MTARC1: variants seen among roughly 807,000 people sequenced by gnomAD.
The protein encoded by MTARC1 is mitochondrial amidoxime reducing component 1, also known as mitochondrial amidoxime-reducing component 1.
MTARC1 carries 24 observed loss-of-function variants against 33.6 expected under a neutral mutation model. The ratio of observed to expected loss-of-function variants is 0.72; its 90% confidence interval spans 0.52 to 1.01. The LOEUF is 1.01. Among genes scored for constraint, MTARC1 ranks in the 50% least tolerant of loss-of-function variants. The pLI is 0.00. For missense variants in MTARC1, 417 were observed against 445.7 expected, an observed-to-expected ratio of 0.94 and a Z score of 0.58; for synonymous variants, 187 against 189.5, an observed-to-expected ratio of 0.99 and a Z score of 0.11.
In MTARC1 at chr1:220,813,305, G is replaced by A. The variant is rs1673196176; in HGVS notation, c.901G>A (p.Asp301Asn). Residue 301 changes from aspartate to asparagine, a missense_variant, in exon 7 of 7, where the codon GAC becomes AAC. Physicochemically the swap from Asp to Asn is conservative, Grantham distance 23. Transcript: ENST00000366910. ...TTCCTATTGCAGTTATCGCCAGTGT[G>A]ACCCTTCAGAACGAAAGTTATATGG... ...LETLKSYRQC[D>N]PSERKLYGKS... is the part of the protein sequence containing the mutation. The A allele has an allele frequency of 6.2e-7, 1 of 1,614,082 alleles. No individual in the cohort carries two copies. The highest frequency in any genetic ancestry group is 1.1e-5 in the South Asian group (1 of 91,066).
rs576430947 is a variant in MTARC1, at chr1:220,801,973, C to T, written c.754-3079C>T. ...CTGAAGCCACAGTAGAGACAACCAC[C>T]CTACCTGCCACAGTCAGTGACCGTT... On this transcript the variant is annotated intron_variant, in intron 4 of 6. Transcript: ENST00000366910. 7.9e-5 allele frequency among the ~76,000 whole-genome samples: 12 copies of T among 152,178 alleles called. 1 individual carries two copies. The South Asian group carries it at 2.3e-3, about 29-fold the overall frequency.
rs141748441 is a variant in MTARC1 at position 220,788,555 on chromosome 1, G to T, written c.275+1336G>T. ...TGTAATCCCAGCACTTTGGGAGGCCGAGGCGGGTGGATCACAAGGTCAGGA... is the reference window on the plus strand; with the variant it reads ...TGTAATCCCAGCACTTTGGGAGGCCTAGGCGGGTGGATCACAAGGTCAGGA... On this transcript the variant is annotated intron_variant, in intron 1 of 6. Coordinates refer to ENST00000366910, the MANE Select transcript of MTARC1 (RefSeq NM_022746.4). Among the ~76,000 whole-genome samples, 1,361 of 152,218 alleles carry T rather than the reference G, an allele frequency of 8.9e-3. 10 individuals are homozygous for T. Among genetic ancestry groups the T allele is most frequent in the East Asian group, 0.059 (307 of 5,176 alleles).
intron 2 of MTARC1, among the ~76,000 whole-genome samples, chr1:220,794,692 A>G (rs1334479887): frequency 6.6e-6 from 1 of 152,060 alleles, no homozygotes; most frequent in African/African-American, 2.4e-5. Context: ...TATTTTATTC[A>G]TTTTATTTAT....
chr1:220,788,253 G>A (rs546715849), intron 1 of MTARC1, among the ~76,000 whole-genome samples: 1 of 152,198 alleles, frequency 6.6e-6, no homozygotes, highest in African/African-American at 2.4e-5. Context: ...TGCAAAACCC[G>A]GGAGCCGGCA....
chr1:220,791,042 A>C (rs1672403840), intron 1 of MTARC1: 1 of 159,164 alleles, frequency 6.3e-6, no homozygotes, highest in South Asian at 1.8e-4. Context: ...CCCTGTGAAC[A>C]ATATAAGCAA....
rs12406881 is a variant in MTARC1, at chr1:220,815,988, G to T, written c.*2570G>T. ...CAGAAAATGTTAGAAACTTCCAACC[G>T]AAAGACGAGGGCAGCAACTTATACA... On this transcript the variant is annotated 3_prime_UTR_variant, in exon 7 of 7. Transcript: ENST00000366910. 6.6e-6 allele frequency: 1 copy of T among 152,204 alleles called. No homozygotes were observed. Among genetic ancestry groups the T allele is most frequent in the Non-Finnish European group, 1.5e-5 (1 of 68,062 alleles). The allele number at this position is 152,204 out of a possible 1,614,324, so 9.4% of individuals were successfully genotyped here. A position where few individuals can be genotyped will look rare whatever the true frequency, so the allele number is the denominator to read the frequency against.
At chr1:220,801,564 A>G (rs1231316244) in intron 4 of MTARC1, among the ~76,000 whole-genome samples, 4 of 152,204 alleles carry the variant, frequency 2.6e-5, no homozygotes, top group African/African-American at 9.7e-5. Flanking sequence ...AGGGAGGGGT[A>G]CATACACAGG....
intron 4 of MTARC1, among the ~76,000 whole-genome samples, chr1:220,803,327 G>T (rs754739766): frequency 6.6e-6 from 1 of 151,998 alleles, no homozygotes; most frequent in Non-Finnish European, 1.5e-5. Context: ...CCTCCAACTG[G>T]GTCCCTCCCA....
intron 2 of MTARC1, chr1:220,793,637 G>A (rs537890964): frequency 7.9e-5 from 12 of 152,240 alleles, no homozygotes; most frequent in African/African-American, 2.6e-4. Context: ...TTTCATGGTC[G>A]AAGATGTTAC....
At position 220,813,582 on chromosome 1, in the gene MTARC1, G is replaced by A; in HGVS notation, c.*164G>A. On this transcript the variant is annotated 3_prime_UTR_variant, in exon 7 of 7. Coordinates refer to ENST00000366910, the MANE Select transcript of MTARC1 (RefSeq NM_022746.4). Reference sequence around the variant, plus strand: ...ACTTCTGGTGTCTCAATGCTTCAATGTCCCAGTGCAAAAAGTAAAGAAATA... The same window carrying A: ...ACTTCTGGTGTCTCAATGCTTCAATATCCCAGTGCAAAAAGTAAAGAAATA... The A allele has an allele frequency of 2.4e-6, 2 of 826,264 alleles. No individual in the cohort carries two copies. The highest frequency in any genetic ancestry group is 5.8e-5 in the Admixed American group (2 of 34,262). The allele number at this position is 826,264 out of a possible 1,614,324, so 51.2% of individuals were successfully genotyped here. A position where few individuals can be genotyped will look rare whatever the true frequency, so the allele number is the denominator to read the frequency against.
intron 4 of MTARC1, chr1:220,798,554 T>C: frequency 1.0e-6 from 1 of 985,454 alleles, no homozygotes; most frequent in Non-Finnish European, 1.2e-6. Context: ...CCCTGAGGCT[T>C]GGTTTCTGGG....
At chr1:220,788,153 T>C (rs1672303611) in intron 1 of MTARC1, among the ~76,000 whole-genome samples, 1 of 152,208 alleles carries the variant, frequency 6.6e-6, no homozygotes, top group African/African-American at 2.4e-5. Context: ...CTTATTTTCT[T>C]TAGCACACTG....
chr1:220,802,493 G>A (rs1387778614), intron 4 of MTARC1, among the ~76,000 whole-genome samples: 1 of 152,124 alleles, frequency 6.6e-6, no homozygotes, highest in African/African-American at 2.4e-5. Flanking sequence ...CACCATGCCT[G>A]GCTAGTTTTT....
In MTARC1 at chr1:220,817,131, A is replaced by T. The variant is rs11118611; in HGVS notation, c.*3713A>T. The T allele has an allele frequency of 2.0e-5, 3 of 148,904 alleles. No individual in the cohort carries two copies. Among genetic ancestry groups the T allele is most frequent in the Admixed American group, 6.7e-5 (1 of 14,886 alleles). The allele number at this position is 148,904 out of a possible 1,614,324, so 9.2% of individuals were successfully genotyped here. A position where few individuals can be genotyped will look rare whatever the true frequency, so the allele number is the denominator to read the frequency against. On this transcript the variant is annotated 3_prime_UTR_variant, in exon 7 of 7. Transcript: ENST00000366910. ...CTTCTTTTTTTTGAGACAGTGTCTC[A>T]CTCTGTTGCCAGGCTGGAGTGCAGT...
intron 4 of MTARC1, among the ~76,000 whole-genome samples, chr1:220,801,225 C>G (rs1672791327): frequency 6.6e-6 from 1 of 152,138 alleles, no homozygotes; most frequent in Non-Finnish European, 1.5e-5. Context: ...GCCATACTGG[C>G]CTTTTTTCTG....
intron 6 of MTARC1, among the ~76,000 whole-genome samples, chr1:220,807,090 T>C (rs1672993181): frequency 6.6e-6 from 1 of 152,248 alleles, no homozygotes; most frequent in East Asian, 1.9e-4. Context: ...AAAGCTAATA[T>C]TGTGGAGCAT....
chr1:220,788,124 C>T (rs2102581601), intron 1 of MTARC1, among the ~76,000 whole-genome samples: 1 of 152,338 alleles, frequency 6.6e-6, no homozygotes, highest in East Asian at 1.9e-4. Context: ...CAGAGCCACA[C>T]AGCAGCAGAA....
intron 6 of MTARC1, among the ~76,000 whole-genome samples, chr1:220,808,327 C>G (rs192473333): frequency 6.0e-4 from 92 of 152,344 alleles, no homozygotes; most frequent in Non-Finnish European, 9.3e-4. Flanking sequence ...CCCTGATCTT[C>G]CGCAGGCTTT....
chr1:220,805,534 A>G (rs780178134), intron 6 of MTARC1, among the ~76,000 whole-genome samples: 11 of 152,218 alleles, frequency 7.2e-5, no homozygotes, highest in Non-Finnish European at 1.0e-4. Context: ...TTGCTTATGC[A>G]TTTTGACAAA....
Sources: allele counts gnomAD v4.1 joint callset (sites outside exome capture counted in the v4.1 genomes callset), GRCh38; gene constraint gnomAD v4.1.1; transcripts MANE v1.5; gene names NCBI Gene and HGNC (gene_info 2026-07-23, HGNC 2026-07-21).